The following TNR variants were observed in gnomAD, a reference collection of about 807,000 sequenced individuals.
TNR encodes the protein tenascin-R.
A neutral mutation model predicts 150.4 loss-of-function variants in TNR; 45 were observed. The ratio of observed to expected loss-of-function variants is 0.30; its 90% confidence interval spans 0.24 to 0.38. The LOEUF (loss-of-function observed/expected upper bound fraction) is 0.38, where lower values mean the gene tolerates loss of function less well. TNR is among the 10% of genes least tolerant of loss of function. The pLI is 1.00. For missense variants in TNR, 1,544 were observed against 1,759.1 expected (o/e 0.88, Z 2.19); for synonymous variants, 687 against 678.4 (o/e 1.01, Z -0.20).
At chr1:175,537,288 T>C (rs1242285674) in intron 1 of TNR, among the ~76,000 whole-genome samples, 1 of 152,234 alleles carries the variant, frequency 6.6e-6, no homozygotes, top group East Asian at 1.9e-4. Context: ...AGCTTCAGAA[T>C]GAAGGAGAGT....
At position 175,659,735 on chromosome 1, in the gene TNR, G is replaced by A. The variant is rs78728842; in HGVS notation, c.-165+83491C>T. Among the ~76,000 whole-genome samples the A allele has an allele frequency of 9.2e-3, 1,394 of 152,202 alleles. 17 individuals are homozygous for A. The highest frequency in any genetic ancestry group is 0.012 in the Non-Finnish European group (829 of 68,026). The stretch of plus-strand genomic sequence containing the variant: ...CATTCTGTGGGCCAAAGGAGCTGAC[G>A]TCTATACACTCTAGAGGACTGCTCA... On this transcript the variant is annotated intron_variant, in intron 1 of 22. Coordinates refer to ENST00000367674, the MANE Select transcript of TNR (RefSeq NM_003285.3).
chr1:175,675,273 G>A lies in TNR; in HGVS notation c.-165+67953C>T, dbSNP rs561141422. Among the ~76,000 whole-genome samples, 15 of 152,248 alleles carry A rather than the reference G, an allele frequency of 9.9e-5. No individual in the cohort carries two copies. In the South Asian group the frequency reaches 2.1e-3, roughly 21 times the overall value. ...GATCCTCTAAAGCTCTATGGATAAC[G>A]GCTGAGTATTACAAGCCTCGTTACT... On this transcript the variant is annotated intron_variant, in intron 1 of 22. Coordinates refer to ENST00000367674, the MANE Select transcript of TNR (RefSeq NM_003285.3).
intron 2 of TNR, among the ~76,000 whole-genome samples, chr1:175,478,262 T>G (rs1042351933): frequency 2.6e-5 from 4 of 152,190 alleles, no homozygotes; most frequent in African/African-American, 9.7e-5. Flanking sequence ...ACTTTCAATA[T>G]GTGTGCATAT....
chr1:175,355,385 A>T (rs55973835), intron 17 of TNR, 118 bp downstream of exon 17: 1,076,849 of 1,401,848 alleles, frequency 0.77, 415,860 homozygotes, highest in East Asian at 0.83. Context: ...CTGATGAGCA[A>T]TCCTTGTGGA....
At position 175,396,590 on chromosome 1, in the gene TNR, G is replaced by A; in HGVS notation, c.1194C>T (p.Val398=). ...GLTYNISVYA[V]ISNILSLPIT... ...TGGGAAGGCTGAGGATGTTGCTAAT[G>A]ACAGCGTAGACGCTGATGTTGTAGG... is the stretch of plus-strand genomic sequence containing the variant. Residue 398 remains valine, a synonymous_variant, in exon 5 of 23, where the codon GTC becomes GTT. Transcript: ENST00000367674. 1.2e-6 allele frequency: 2 copies of A among 1,614,240 alleles called. No individual in the cohort carries two copies. The highest frequency in any genetic ancestry group is 1.7e-6 in the Non-Finnish European group (2 of 1,180,044).
intron 2 of TNR, among the ~76,000 whole-genome samples, chr1:175,457,635 C>A (rs1357010163): frequency 1.3e-5 from 2 of 152,092 alleles, no homozygotes; most frequent in African/African-American, 2.4e-5. Context: ...AGCTAGGAGA[C>A]CTTGAAGCAA....
At chr1:175,345,872 C>T (rs1650756175) in intron 18 of TNR, among the ~76,000 whole-genome samples, 2 of 152,038 alleles carry the variant, frequency 1.3e-5, no homozygotes, top group Non-Finnish European at 2.9e-5. Context: ...AACTTCAAGA[C>T]ATATAATGAA....
In TNR at chr1:175,665,743, G is replaced by T. The variant is rs556837901; in HGVS notation, c.-165+77483C>A. 4.6e-5 allele frequency among the ~76,000 whole-genome samples: 7 copies of T among 152,324 alleles called. No homozygotes were observed. The South Asian group carries it at 1.5e-3, about 32-fold the overall frequency. ...ACTGTTAGATACTGGAGATAAAAGG[G>T]TAGAGAATTCCCTTCACCTTTTCCA... On this transcript the variant is annotated intron_variant, in intron 1 of 22. Coordinates refer to ENST00000367674, the MANE Select transcript of TNR (RefSeq NM_003285.3).
At chr1:175,737,481 C>T (rs1667803531) in intron 1 of TNR, among the ~76,000 whole-genome samples, 2 of 152,178 alleles carry the variant, frequency 1.3e-5, no homozygotes, top group African/African-American at 4.8e-5. Flanking sequence ...AAGACCCAAG[C>T]TTCCAGGGCC....
At chr1:175,639,302 T>C (rs1051147350) in intron 1 of TNR, among the ~76,000 whole-genome samples, 2 of 152,176 alleles carry the variant, frequency 1.3e-5, no homozygotes, top group Non-Finnish European at 2.9e-5. Flanking sequence ...TAGCATGTAG[T>C]TCCAGGACTC....
At chr1:175,608,490 A>G (rs1663484110) in intron 1 of TNR, among the ~76,000 whole-genome samples, 1 of 152,250 alleles carries the variant, frequency 6.6e-6, no homozygotes, top group Non-Finnish European at 1.5e-5. Flanking sequence ...AGGATTTATT[A>G]AACACAACTT....
In TNR at chr1:175,320,284, A is replaced by G. The variant is rs976354141; in HGVS notation, c.*3073T>C. 4.3e-4 allele frequency: 66 copies of G among 152,314 alleles called. No individual in the cohort carries two copies. Among genetic ancestry groups the G allele is most frequent in the African/African-American group, 1.5e-3 (64 of 41,432 alleles). 9.4% of individuals were successfully genotyped at this position (152,314 alleles called of 1,614,324 possible). A position where few individuals can be genotyped will look rare whatever the true frequency, so the allele number is the denominator to read the frequency against. ...TCAGCGAGGAAAGTTATGAGCATTGAGTCAAGTTGACCATAGACCTTGGGA... is the reference window on the plus strand; with the variant it reads ...TCAGCGAGGAAAGTTATGAGCATTGGGTCAAGTTGACCATAGACCTTGGGA... On this transcript the variant is annotated 3_prime_UTR_variant, in exon 23 of 23. Transcript: ENST00000367674.
chr1:175,535,514 G>A (rs1660242392), intron 1 of TNR, among the ~76,000 whole-genome samples: 2 of 151,978 alleles, frequency 1.3e-5, no homozygotes, highest in Admixed American at 1.3e-4. Context: ...AGGCTGGAGT[G>A]CAGTGGCGCG....
At chr1:175,440,856 G>A (rs2086930) in intron 2 of TNR, among the ~76,000 whole-genome samples, 38,875 of 152,066 alleles carry the variant, frequency 0.26, 5,258 homozygotes, top group East Asian at 0.5. Context: ...ACAGAATAGA[G>A]AGGATATTTG....
intron 2 of TNR, among the ~76,000 whole-genome samples, chr1:175,468,673 G>T (rs1296778849): frequency 6.6e-6 from 1 of 152,092 alleles, no homozygotes; most frequent in Non-Finnish European, 1.5e-5. Context: ...CATGGAAGAG[G>T]CATTCTAGGT....
In TNR at chr1:175,623,710, C is replaced by G. The variant is rs1571687460; in HGVS notation, c.-164-95341G>C. Among the ~76,000 whole-genome samples the G allele has an allele frequency of 2.0e-5, 3 of 152,336 alleles. No individual in the cohort carries two copies. The South Asian group carries it at 6.2e-4, about 32-fold the overall frequency. On this transcript the variant is annotated intron_variant, in intron 1 of 22. Transcript: ENST00000367674. ...ACTCCTCTTTGCAGAGAAGAGGTGA[C>G]AGGGAGGAAACCAGCAGAGGATTAG...
rs536088427 is a variant in TNR, at chr1:175,565,594, A to C, written c.-164-37225T>G. 6.7e-4 allele frequency among the ~76,000 whole-genome samples: 102 copies of C among 152,332 alleles called. No individual in the cohort carries two copies. The Middle Eastern group carries it at 0.02, about 30-fold the overall frequency. ...CGGAACACTTATACATTGTTGGCAT[A>C]ATACTTTTGGAGTGTAAATCAGTGA... is the stretch of plus-strand genomic sequence containing the variant. On this transcript the variant is annotated intron_variant, in intron 1 of 22. Coordinates refer to ENST00000367674, the MANE Select transcript of TNR (RefSeq NM_003285.3).
chr1:175,612,721 C>T (rs1236552318), intron 1 of TNR, among the ~76,000 whole-genome samples: 1 of 152,182 alleles, frequency 6.6e-6, no homozygotes, highest in Non-Finnish European at 1.5e-5. Flanking sequence ...TCCCAAACCA[C>T]TTATGAGATG....
intron 1 of TNR, among the ~76,000 whole-genome samples, chr1:175,707,925 C>T (rs1666884900): frequency 6.6e-6 from 1 of 152,002 alleles, no homozygotes; most frequent in Non-Finnish European, 1.5e-5. Flanking sequence ...AACAGGGCTA[C>T]ATAATGAATT....
Sources: gnomAD v4.1 joint callset for allele counts (sites outside exome capture counted in the v4.1 genomes callset) on GRCh38, gnomAD v4.1.1 for gene constraint, MANE v1.5 for transcripts, NCBI Gene and HGNC (gene_info 2026-07-23, HGNC 2026-07-21) for gene names.